The following ZFHX3 variants were observed in gnomAD, a reference collection of about 807,000 sequenced individuals.
ZFHX3 encodes zinc finger homeobox protein 3.
ZFHX3 carries 42 observed loss-of-function variants against 279.1 expected under a neutral mutation model. The ratio of observed to expected loss-of-function variants is 0.15; its 90% CI spans 0.12 to 0.19. The LOEUF (loss-of-function observed/expected upper bound fraction) is 0.19, where lower values mean the gene tolerates loss of function less well. ZFHX3 is among the 10% of genes least tolerant of loss of function. The pLI is 1.00. For synonymous variants in ZFHX3, 2,293 were observed against 1,957.8 expected (o/e 1.17, Z -4.52); for missense variants, 4,981 against 4,754.0 (o/e 1.05, Z -1.40).
At chr16:73,296,412 G>C (rs1309032860) in intron 4 of ZFHX3, among the ~76,000 whole-genome samples, 6 of 152,122 alleles carry the variant, frequency 3.9e-5, no homozygotes, top group Admixed American at 1.3e-4. Flanking sequence ...TTAAACAGCA[G>C]CATTTCCAGG....
intron 5 of ZFHX3, among the ~76,000 whole-genome samples, chr16:73,162,840 A>G (rs934492697): frequency 6.6e-6 from 1 of 152,196 alleles, no homozygotes; most frequent in African/African-American, 2.4e-5. Context: ...ATTCTTCTAA[A>G]CTCAAGGATA....
At chr16:73,793,482 A>G (rs907981249) in intron 1 of ZFHX3, among the ~76,000 whole-genome samples, 26 of 152,216 alleles carry the variant, frequency 1.7e-4, no homozygotes, top group African/African-American at 6.3e-4. Context: ...AAGCCAACAT[A>G]TCTCCAACGA....
rs76239888 is a variant in ZFHX3, at chr16:72,787,039, CTTTTTTTTT to C, written c.*116_*124del. The C allele has an allele frequency of 3.2e-3, 2,221 of 684,962 alleles. 21 individuals carry two copies. Among genetic ancestry groups the C allele is most frequent in the South Asian group, 6.3e-3 (96 of 15,320 alleles). The allele number at this position is 684,962 out of a possible 1,614,324, so 42.4% of individuals were successfully genotyped here. A position where few individuals can be genotyped will look rare whatever the true frequency, so the allele number is the denominator to read the frequency against. ...ACAACCCACGCTTTTTCTTTTTTTT[CTTTTTTTTT>C]TTTTTTTTGTTTTTTGGTTAGAAGC... On this transcript the variant is annotated 3_prime_UTR_variant, in exon 10 of 10. Transcript: ENST00000268489.
At chr16:73,329,211 G>C (rs944748606) in intron 3 of ZFHX3, among the ~76,000 whole-genome samples, 2 of 152,350 alleles carry the variant, frequency 1.3e-5, no homozygotes, top group African/African-American at 4.8e-5. Context: ...CACCTCTGGT[G>C]TTTCATTGTG....
At chr16:73,528,471 T>G in intron 2 of ZFHX3, among the ~76,000 whole-genome samples, 1 of 152,164 alleles carries the variant, frequency 6.6e-6, no homozygotes, top group East Asian at 1.9e-4. Flanking sequence ...AAAAATGTAT[T>G]CAATATGGTC....
intron 1 of ZFHX3, among the ~76,000 whole-genome samples, chr16:72,995,299 C>A (rs1388474014): frequency 6.6e-6 from 1 of 152,166 alleles, no homozygotes; most frequent in Admixed American, 6.6e-5. Context: ...ACTCTTCGCC[C>A]GTGCCTCTCC....
intron 3 of ZFHX3, among the ~76,000 whole-genome samples, chr16:73,412,739 G>T (rs1567476282): frequency 6.6e-6 from 1 of 152,200 alleles, no homozygotes; most frequent in Non-Finnish European, 1.5e-5. Flanking sequence ...TACTGTTTCT[G>T]GGGGAGTATT....
At chr16:72,882,152 T>G (rs77580590) in intron 4 of ZFHX3, among the ~76,000 whole-genome samples, 2 of 145,764 alleles carry the variant, frequency 1.4e-5, no homozygotes, top group South Asian at 4.4e-4. Flanking sequence ...CCAGGAACCA[T>G]CAGCAGGTAC....
intron 2 of ZFHX3, among the ~76,000 whole-genome samples, chr16:73,654,853 ACTT>A (rs2052707391): frequency 1.1e-5 from 1 of 89,506 alleles, no homozygotes; most frequent in Non-Finnish European, 2.1e-5. Flanking sequence ...GATAGTAATC[ACTT>A]TTTTTTTTTT....
At chr16:73,437,257 G>A (rs2143528185) in intron 3 of ZFHX3, among the ~76,000 whole-genome samples, 1 of 152,096 alleles carries the variant, frequency 6.6e-6, no homozygotes, top group African/African-American at 2.4e-5. Context: ...TTAAATGACT[G>A]GTTCAAGGTC....
At chr16:73,421,237 C>G (rs974859522) in intron 3 of ZFHX3, 2 of 152,154 alleles carry the variant, frequency 1.3e-5, no homozygotes, top group African/African-American at 4.8e-5. Flanking sequence ...AAAAATGCAG[C>G]TTTCACGGGG....
At chr16:73,443,832 G>T (rs1225802339) in intron 3 of ZFHX3, among the ~76,000 whole-genome samples, 1 of 152,000 alleles carries the variant, frequency 6.6e-6, no homozygotes, top group African/African-American at 2.4e-5. Context: ...ACAACTCACT[G>T]CAGCCTCTAC....
chr16:73,276,908 T>C (rs1041026556), intron 4 of ZFHX3, among the ~76,000 whole-genome samples: 2 of 152,220 alleles, frequency 1.3e-5, no homozygotes, highest in Non-Finnish European at 1.5e-5. Context: ...TCCTCTGCCA[T>C]GTTCCTTTCT....
chr16:72,930,385 T>C (rs1240863162), intron 3 of ZFHX3, among the ~76,000 whole-genome samples: 1 of 151,796 alleles, frequency 6.6e-6, no homozygotes, highest in Non-Finnish European at 1.5e-5. Context: ...TATTTGGAAT[T>C]GGAGGGGAAA....
chr16:73,118,577 C>T (rs975323543), intron 7 of ZFHX3, among the ~76,000 whole-genome samples: 1 of 152,068 alleles, frequency 6.6e-6, no homozygotes, highest in African/African-American at 2.4e-5. Flanking sequence ...GTATACCTCC[C>T]ATTCTTTCTT....
At position 73,533,533 on chromosome 16, in the gene ZFHX3, AC is replaced by A. The variant is rs1316453137; in HGVS notation, c.-1546-77276del. 1.3e-5 allele frequency among the ~76,000 whole-genome samples: 2 copies of A among 151,830 alleles called. 1 individual carries two copies. Among genetic ancestry groups the A allele is most frequent in the Non-Finnish European group, 2.9e-5 (2 of 67,980 alleles). ...CAGATCCAGTTTCATGGCTTTAAAT[AC>A]CATCTATGTCCCAAGGAGTCCCAGA... is the stretch of plus-strand genomic sequence containing the variant. On this transcript the variant is annotated intron_variant, in intron 2 of 17. Coordinates refer to the ZFHX3 transcript ENST00000641206.
chr16:73,580,232 CA>C (rs891700583), intron 2 of ZFHX3, among the ~76,000 whole-genome samples: 1 of 151,886 alleles, frequency 6.6e-6, no homozygotes, highest in African/African-American at 2.4e-5. Context: ...GTAATCCCAG[CA>C]CTCTGGGAGG....
At chr16:73,077,845 C>T (rs1286160392) in intron 8 of ZFHX3, among the ~76,000 whole-genome samples, 1 of 152,148 alleles carries the variant, frequency 6.6e-6, no homozygotes. Context: ...GAGTCTTGCT[C>T]CCAGGCTGAA....
chr16:73,408,337 A>G (rs1265900490), intron 3 of ZFHX3, among the ~76,000 whole-genome samples: 1 of 152,148 alleles, frequency 6.6e-6, no homozygotes, highest in Admixed American at 6.5e-5. Context: ...CAACTCGGAC[A>G]AGCCAGAGTC....
Sources: gnomAD v4.1 joint callset for allele counts (sites outside exome capture counted in the v4.1 genomes callset) on GRCh38, gnomAD v4.1.1 for gene constraint, MANE v1.5 for transcripts, NCBI Gene and HGNC (gene_info 2026-07-23, HGNC 2026-07-21) for gene names.